Variants in TTC28 observed in about 807,000 individuals in gnomAD.
TTC28 encodes tetratricopeptide repeat domain 28, also known as tetratricopeptide repeat protein 28.
Under a neutral mutation model 198.0 loss-of-function variants are expected in TTC28, and 61 were observed. That is an observed-to-expected ratio of 0.31 (90% CI 0.25 to 0.38). The LOEUF (loss-of-function observed/expected upper bound fraction) is 0.38. Ranked by LOEUF, TTC28 falls within the 10% of genes least tolerant of loss-of-function variation. The pLI is 1.00. For missense variants in TTC28, 2,678 were observed against 3,164.0 expected, an observed-to-expected ratio of 0.85 and a Z score of 3.69; for synonymous variants, 1,171 against 1,297.8, an observed-to-expected ratio of 0.90 and a Z score of 2.10.
rs1937063956 is a variant in TTC28, at chr22:27,982,697, G to A, written c.6970C>T (p.Leu2324Phe). 3 of 1,551,586 alleles carry A rather than the reference G, an allele frequency of 1.9e-6. No homozygotes were observed. Among genetic ancestry groups the A allele is most frequent in the African/African-American group, 2.7e-5 (2 of 73,050 alleles). Residue 2324 changes from leucine (L) to phenylalanine (F), a missense_variant, in exon 23 of 23, where the codon CTC (leucine) becomes TTC (phenylalanine). Coordinates refer to ENST00000397906, the MANE Select transcript of TTC28 (RefSeq NM_001145418.2). The surrounding 1 kb of genome is among the most constrained non-coding windows in gnomAD (Gnocchi z 5.2). The part of the protein sequence containing the change: ...SPAGSAPSPA[L>F]SYSSAGSARS... ...GCAGATCCAGCTGAGGAGTAGGAGA[G>A]AGCTGGGGAGGGTGCACTGCCAGCA...
At chr22:28,370,999 T>C (rs1254455791) in intron 2 of TTC28, among the ~76,000 whole-genome samples, 3 of 152,144 alleles carry the variant, frequency 2.0e-5, no homozygotes, top group Admixed American at 2.0e-4. Context: ...AAGGTCATAG[T>C]AACCATTATT....
intron 2 of TTC28, among the ~76,000 whole-genome samples, chr22:28,581,475 A>G (rs562725250): frequency 1.3e-5 from 2 of 152,376 alleles, no homozygotes; most frequent in Middle Eastern, 6.8e-3. Context: ...ATTCCAAAGG[A>G]TAAATAATAC....
Position 27,982,297 on chromosome 22 carries a change from C to T in TTC28, c.7370G>A (p.Arg2457His), listed in dbSNP as rs751835311. The T allele has an allele frequency of 5.6e-5, 84 of 1,508,720 alleles. No homozygotes were observed. The highest frequency in any genetic ancestry group is 1.7e-4 in the Middle Eastern group (1 of 5,720). 93.5% of individuals were successfully genotyped at this position (1,508,720 alleles called of 1,614,324 possible). A position where few individuals can be genotyped will look rare whatever the true frequency, so the allele number is the denominator to read the frequency against. The change falls in exon 23 of 23, where the codon CGC becomes CAC. Residue 2457 changes from arginine (R) to histidine (H), a missense_variant. Coordinates refer to ENST00000397906, the MANE Select transcript of TTC28 (RefSeq NM_001145418.2). This position sits in a 1 kb window ranked among gnomAD's most constrained non-coding sequence, Gnocchi z 5.2. ...ATTTCCAGAAGGAAGCCTCAAAGGG[C>T]GCGCGGGGGCTGTGGCGGGAGGGCC... is the stretch of plus-strand genomic sequence containing the variant. ...PAGPPATAPA[R>H]PLRLPSGNGY...
chr22:28,604,069 C>T (rs12166363), intron 2 of TTC28, among the ~76,000 whole-genome samples: 14,960 of 151,178 alleles, frequency 0.099, 843 homozygotes, highest in African/African-American at 0.12. Context: ...CCTGAGTTCA[C>T]GAGATCAAGA....
intron 2 of TTC28, among the ~76,000 whole-genome samples, chr22:28,482,961 T>G (rs1350077622): frequency 6.6e-6 from 1 of 152,216 alleles, no homozygotes; most frequent in Non-Finnish European, 1.5e-5. Flanking sequence ...ACAATTTGTT[T>G]ATTCATCCAT....
chr22:28,332,106 G>C (rs1291359566), intron 2 of TTC28, among the ~76,000 whole-genome samples: 1 of 152,016 alleles, frequency 6.6e-6, no homozygotes, highest in Non-Finnish European at 1.5e-5. Context: ...TTTTAGAGAT[G>C]AATATTCAGA....
intron 5 of TTC28, among the ~76,000 whole-genome samples, chr22:28,215,059 A>T (rs1351038460): frequency 6.6e-6 from 1 of 152,168 alleles, no homozygotes; most frequent in Non-Finnish European, 1.5e-5. Flanking sequence ...ACATGTTCTC[A>T]CTAATAGGTG....
At chr22:28,043,651 T>G (rs1939752838) in intron 12 of TTC28, among the ~76,000 whole-genome samples, 1 of 152,078 alleles carries the variant, frequency 6.6e-6, no homozygotes, top group Non-Finnish European at 1.5e-5. Context: ...AAGTTTGCCC[T>G]TGGATTTCAT....
chr22:28,161,300 G>A (rs953236550), intron 6 of TTC28, among the ~76,000 whole-genome samples: 11 of 152,164 alleles, frequency 7.2e-5, no homozygotes, highest in African/African-American at 2.7e-4. Context: ...GGAGGCCAAG[G>A]AGGGAGGATC....
chr22:28,272,006 C>A (rs1413972903), intron 5 of TTC28, among the ~76,000 whole-genome samples: 1 of 152,116 alleles, frequency 6.6e-6, no homozygotes, highest in African/African-American at 2.4e-5. Context: ...GATTGTGAGG[C>A]CTTCCCAGTC....
At chr22:28,675,849 CTGAGG>C (rs1338532924) in intron 1 of TTC28, among the ~76,000 whole-genome samples, 4 of 151,720 alleles carry the variant, frequency 2.6e-5, no homozygotes, top group African/African-American at 9.7e-5. Context: ...TTCTGGGAGG[CTGAGG>C]TGAGAGGATC....
intron 2 of TTC28, among the ~76,000 whole-genome samples, chr22:28,581,486 AT>A (rs2050233437): frequency 6.6e-6 from 1 of 152,334 alleles, no homozygotes; most frequent in East Asian, 1.9e-4. Context: ...TAAATAATAC[AT>A]TTTAATTCAG....
chr22:28,202,124 G>A (rs1926006792), intron 5 of TTC28, among the ~76,000 whole-genome samples: 1 of 152,090 alleles, frequency 6.6e-6, no homozygotes, highest in Non-Finnish European at 1.5e-5. Context: ...AAGTGGCAAG[G>A]CTGAGATTCA....
At chr22:28,516,897 A>G (rs963081919) in intron 2 of TTC28, among the ~76,000 whole-genome samples, 1 of 152,220 alleles carries the variant, frequency 6.6e-6, no homozygotes, top group African/African-American at 2.4e-5. Context: ...CACCATAAAC[A>G]GATAAAATTT....
At chr22:28,162,300 A>G (rs1921306931) in intron 6 of TTC28, among the ~76,000 whole-genome samples, 2 of 152,226 alleles carry the variant, frequency 1.3e-5, no homozygotes, top group South Asian at 4.1e-4. Flanking sequence ...ATAATTTTGC[A>G]TTTACATTAA....
intron 12 of TTC28, among the ~76,000 whole-genome samples, chr22:28,051,810 A>G (rs568837078): frequency 3.3e-4 from 51 of 152,260 alleles, no homozygotes; most frequent in African/African-American, 1.2e-3. Context: ...CTTCGAAGCC[A>G]TGATTATACC....
At chr22:28,608,696 T>C (rs547218368) in intron 2 of TTC28, among the ~76,000 whole-genome samples, 2 of 152,090 alleles carry the variant, frequency 1.3e-5, no homozygotes, top group Admixed American at 6.5e-5. Flanking sequence ...AGGCTAAGAG[T>C]TGTAATCTAC....
At chr22:28,450,456 ACT>A (rs1490678543) in intron 2 of TTC28, among the ~76,000 whole-genome samples, 2 of 152,094 alleles carry the variant, frequency 1.3e-5, no homozygotes, top group African/African-American at 4.8e-5. Context: ...TCAATTTCTA[ACT>A]CTGTACATGG....
chr22:28,571,006 A>C (rs1439826662), intron 2 of TTC28, among the ~76,000 whole-genome samples: 1 of 152,000 alleles, frequency 6.6e-6, no homozygotes, highest in Non-Finnish European at 1.5e-5. Context: ...TTTTTTCCTG[A>C]CTGTAAGATT....
Sources: allele counts gnomAD v4.1 joint callset (sites outside exome capture counted in the v4.1 genomes callset), GRCh38; gene constraint gnomAD v4.1.1; non-coding constraint Gnocchi (gnomAD v3.1); transcripts MANE v1.5; gene names NCBI Gene and HGNC (gene_info 2026-07-23, HGNC 2026-07-21).